The following CAPRIN2 variants were observed in gnomAD, a reference collection of about 807,000 sequenced individuals.
CAPRIN2 encodes the protein caprin-2.
Under a neutral mutation model 130.4 loss-of-function variants are expected in CAPRIN2, and 66 were observed. That is an observed-to-expected ratio of 0.51 (90% CI 0.42 to 0.62). The LOEUF is 0.62. Among genes scored for constraint, CAPRIN2 ranks in the 20% least tolerant of loss-of-function variants. The pLI, the probability that CAPRIN2 is intolerant of heterozygous loss-of-function variation, is 0.00. For synonymous variants in CAPRIN2, 471 were observed against 444.1 expected (o/e 1.06, Z -0.76); for missense variants, 1,185 against 1,246.6 (o/e 0.95, Z 0.74).
intron 5 of CAPRIN2, among the ~76,000 whole-genome samples, chr12:30,731,883 CCT>C (rs764599526): frequency 7.2e-5 from 11 of 151,876 alleles, no homozygotes; most frequent in Non-Finnish European, 1.3e-4. Flanking sequence ...ACATCTATTC[CCT>C]GAGATGAGAA....
intron 9 of CAPRIN2, among the ~76,000 whole-genome samples, chr12:30,725,161 C>T (rs1282121771): frequency 6.6e-6 from 1 of 152,208 alleles, no homozygotes; most frequent in African/African-American, 2.4e-5. Flanking sequence ...CAACCATTTA[C>T]TAGCTCATGC....
intron 14 of CAPRIN2, 70 bp from the exon 17 acceptor site, chr12:30,713,955 A>G (rs934169091): frequency 1.3e-5 from 11 of 837,664 alleles, no homozygotes; most frequent in African/African-American, 1.2e-4. Context: ...GTCTAATTCT[A>G]TATTGCTTTA....
intron 12 of CAPRIN2, 58 bp from the exon 15 acceptor site, chr12:30,716,734 G>A: frequency 6.7e-7 from 1 of 1,497,040 alleles, no homozygotes; most frequent in Non-Finnish European, 9.1e-7. Flanking sequence ...ATGCTTAAGG[G>A]TGGTATCCAG....
intron 2 of CAPRIN2, among the ~76,000 whole-genome samples, chr12:30,742,214 T>C (rs1592244611): frequency 6.6e-6 from 1 of 152,132 alleles, no homozygotes; most frequent in African/African-American, 2.4e-5. Context: ...TTAGAATGGG[T>C]TTACTTTGTG....
chr12:30,735,267 G>C (rs1279497476), intron 3 of CAPRIN2, 61 bp from the exon 5 acceptor site: 4 of 1,283,834 alleles, frequency 3.1e-6, no homozygotes, highest in Non-Finnish European at 4.5e-6. Context: ...TTAGCAATAC[G>C]TATCTACAAA....
At chr12:30,752,861 G>A (rs1052829871) in intron 1 of CAPRIN2, among the ~76,000 whole-genome samples, 1 of 152,190 alleles carries the variant, frequency 6.6e-6, no homozygotes, top group African/African-American at 2.4e-5. Flanking sequence ...TCTTTACAAG[G>A]CTGACTACCA....
chr12:30,715,151 A>G lies in CAPRIN2; in HGVS notation c.2318-10T>C, dbSNP rs752410455. On this transcript the variant is annotated splice_polypyrimidine_tract_variant and intron_variant, in intron 13 of 16. Transcript: ENST00000298892. ...TCAGGATGATAATTTGCTGCTTAAG[A>G]AAAACGATTTTAGGGTCCAAGAGTT... The G allele has an allele frequency of 3.1e-6, 5 of 1,612,796 alleles. No individual in the cohort carries two copies. Among genetic ancestry groups the G allele is most frequent in the Non-Finnish European group, 3.4e-6 (4 of 1,179,090 alleles).
intron 12 of CAPRIN2, 84 bp from the exon 14 acceptor site, chr12:30,719,309 T>A: frequency 6.7e-6 from 10 of 1,482,944 alleles, no homozygotes; most frequent in Non-Finnish European, 9.3e-6. Context: ...CTGGCATAAG[T>A]CAGCAAGTTC....
chr12:30,738,782 G>T (rs1055516861), intron 3 of CAPRIN2, among the ~76,000 whole-genome samples: 1 of 152,126 alleles, frequency 6.6e-6, no homozygotes, highest in Non-Finnish European at 1.5e-5. Context: ...CATACATGTG[G>T]CCAAAAAGCA....
chr12:30,728,950 G>C lies in CAPRIN2; in HGVS notation c.1480C>G (p.Pro494Ala), dbSNP rs374198235. 59 of 1,614,146 alleles carry C rather than the reference G, an allele frequency of 3.7e-5. No homozygotes were observed. The highest frequency in any genetic ancestry group is 5.0e-5 in the Non-Finnish European group (59 of 1,180,014). Residue 494 changes from proline to alanine, a missense_variant, in exon 8 of 17, where the codon CCA becomes GCA. Around this residue, in one of 2 missense-constraint regions of CAPRIN2, gnomAD observed 1,104 missense variants for 1,104.3 expected, o/e 1.00. Transcript: ENST00000298892. The stretch of plus-strand genomic sequence containing the variant: ...TGCAGCTGAACTGGCCACAGCTTTG[G>C]TGTCTCCTGTTTCTTTTGTTCCTCT...
chr12:30,753,122 A>G (rs2074794215), intron 1 of CAPRIN2, among the ~76,000 whole-genome samples: 2 of 152,270 alleles, frequency 1.3e-5, no homozygotes, highest in African/African-American at 4.8e-5. Context: ...TTTCAACAGC[A>G]GCATGCATAA....
In CAPRIN2 at chr12:30,720,710, A is replaced by G. The variant is rs1165176488; in HGVS notation, c.2148+101T>C. 2.1e-5 allele frequency: 15 copies of G among 722,742 alleles called. No homozygotes were observed. The East Asian group carries it at 3.8e-4, about 18-fold the overall frequency. 44.8% of individuals were successfully genotyped at this position (722,742 alleles called of 1,614,324 possible). A position where few individuals can be genotyped will look rare whatever the true frequency, so the allele number is the denominator to read the frequency against. On this transcript the variant is annotated intron_variant, in intron 12 of 16. Transcript: ENST00000298892. ...AGAAAGCAATACATTAATAAAGTAT[A>G]AATGTTACATCATTCAACTAATCAT...
Position 30,719,033 on chromosome 12 carries a change from T to C in CAPRIN2, c.2148+1778A>G. ...ATTATGTAAGAGAAACAATGGCTTTTAACAGGAATAATGAACTGCAATCAT... is the reference window on the plus strand; with the variant it reads ...ATTATGTAAGAGAAACAATGGCTTTCAACAGGAATAATGAACTGCAATCAT... On this transcript the variant is annotated intron_variant, in intron 12 of 16. Coordinates refer to ENST00000298892, the Ensembl canonical transcript of CAPRIN2. 3 of 1,568,562 alleles carry C rather than the reference T, an allele frequency of 1.9e-6. No individual in the cohort carries two copies. In the South Asian group the frequency reaches 3.6e-5, roughly 19 times the overall value.
intron 12 of CAPRIN2, 77 bp downstream of exon 14, chr12:30,719,002 C>T: frequency 6.7e-7 from 1 of 1,482,400 alleles, no homozygotes; most frequent in South Asian, 1.4e-5. Flanking sequence ...CACATAGTAT[C>T]CAATAATTAT....
At chr12:30,736,669 GA>G (rs2064962659) in intron 3 of CAPRIN2, among the ~76,000 whole-genome samples, 1 of 152,208 alleles carries the variant, frequency 6.6e-6, no homozygotes, top group South Asian at 2.1e-4. Flanking sequence ...TAGACTGGTT[GA>G]AGGTTGCATG....
intron 12 of CAPRIN2, among the ~76,000 whole-genome samples, chr12:30,716,974 TCATG>T (rs1439543713): frequency 6.6e-6 from 1 of 152,336 alleles, no homozygotes; most frequent in East Asian, 1.9e-4. Flanking sequence ...ACTGGAACCC[TCATG>T]CATTGCCGGT....
chr12:30,739,002 T>C (rs1292303251), intron 3 of CAPRIN2, among the ~76,000 whole-genome samples: 2 of 152,168 alleles, frequency 1.3e-5, no homozygotes, highest in East Asian at 3.9e-4. Flanking sequence ...TGGCAATTCC[T>C]CAAAGAGCTA....
Position 30,748,663 on chromosome 12 carries a change from AT to A in CAPRIN2, c.483+2407del, listed in dbSNP as rs887078819. 3.8e-4 allele frequency among the ~76,000 whole-genome samples: 58 copies of A among 150,788 alleles called. No homozygotes were observed. In the East Asian group the frequency reaches 3.9e-3, roughly 10 times the overall value. On this transcript the variant is annotated intron_variant, in intron 2 of 16. Transcript: ENST00000298892. ...CTGGTAACAATTCTCTGAAGATTCT[AT>A]TTTTTTTTCCTTCTGACTTATCTGC...
intron 11 of CAPRIN2, among the ~76,000 whole-genome samples, chr12:30,722,421 C>T (rs987631708): frequency 1.1e-4 from 16 of 151,412 alleles, no homozygotes; most frequent in African/African-American, 3.9e-4. Context: ...TGCAGCCATC[C>T]CACAGCCTCC....
Sources: gnomAD v4.1 joint callset for allele counts (sites outside exome capture counted in the v4.1 genomes callset) on GRCh38, gnomAD v4.1.1 for gene constraint, gnomAD v4.1.1 regional missense constraint, MANE v1.5 for transcripts, NCBI Gene and HGNC (gene_info 2026-07-23, HGNC 2026-07-21) for gene names.